The following GPHN variants were observed in gnomAD, a reference collection of about 807,000 sequenced individuals.
GPHN encodes gephyrin.
In GPHN, 17 loss-of-function variants were observed where a neutral mutation model predicts 95.5. The observed-to-expected ratio is 0.18, with a 90% CI of 0.12 to 0.27. The LOEUF is 0.27. Among genes scored for constraint, GPHN ranks in the 10% least tolerant of loss-of-function variants. The pLI, the probability that GPHN is intolerant of heterozygous loss-of-function variation, is 1.00. For missense variants in GPHN, 660 were observed against 978.1 expected, an observed-to-expected ratio of 0.67 and a Z score of 4.34; for synonymous variants, 320 against 322.5, an observed-to-expected ratio of 0.99 and a Z score of 0.08.
intron 1 of GPHN, among the ~76,000 whole-genome samples, chr14:66,547,703 G>A (rs544297529): frequency 6.6e-6 from 1 of 152,124 alleles, no homozygotes; most frequent in Non-Finnish European, 1.5e-5. Context: ...GACAAATTTC[G>A]TGTTCATTCT....
chr14:67,653,671 A>C, the GPHN span, among the ~76,000 whole-genome samples: 2 of 152,234 alleles, frequency 1.3e-5, no homozygotes, highest in African/African-American at 4.8e-5. Context: ...AAAGGACAAG[A>C]TATTTTAGTA....
At chr14:66,611,441 A>T (rs1052963998) in intron 1 of GPHN, among the ~76,000 whole-genome samples, 2 of 152,130 alleles carry the variant, frequency 1.3e-5, no homozygotes, top group Non-Finnish European at 2.9e-5. Context: ...AAATATACTC[A>T]TTGCTATTTG....
chr14:67,116,359 C>G (rs1415145404), intron 16 of GPHN, among the ~76,000 whole-genome samples: 1 of 150,462 alleles, frequency 6.6e-6, no homozygotes, highest in African/African-American at 2.4e-5. Flanking sequence ...GAAGGGGAAG[C>G]AAAAAGAAAA....
At chr14:67,574,848 C>A in the GPHN span, among the ~76,000 whole-genome samples, 1 of 152,056 alleles carries the variant, frequency 6.6e-6, no homozygotes, top group African/African-American at 2.4e-5. The surrounding 1 kb of genome is among the most constrained non-coding windows in gnomAD (Gnocchi z 4.2). Context: ...TTGTTAAACC[C>A]AAGAAAATGG....
rs2140195870 is a variant in GPHN at position 67,179,652 on chromosome 14, A to G, written c.2154A>G (p.Pro718=). The G allele has an allele frequency of 1.3e-6, 2 of 1,599,036 alleles. No individual in the cohort carries two copies. Among genetic ancestry groups the G allele is most frequent in the Non-Finnish European group, 1.7e-6 (2 of 1,166,236 alleles). Residue 718 remains proline (P), a synonymous_variant, in exon 22 of 23, where the codon CCA becomes CCG. Coordinates refer to ENST00000478722, the MANE Select transcript of GPHN (RefSeq NM_020806.5). ...RCILTWHHQE[P]LPWAQSTGNQ... ...TACTAACTTGGCATCACCAAGAACC[A>G]CTACCTTGGGCACAGAGTACAGGTT...
At chr14:67,683,814 C>T in the GPHN span, among the ~76,000 whole-genome samples, 2 of 152,204 alleles carry the variant, frequency 1.3e-5, no homozygotes, top group Admixed American at 1.3e-4. Flanking sequence ...CCTCCTCTCC[C>T]TACTAATATT....
intron 11 of GPHN, among the ~76,000 whole-genome samples, chr14:67,072,686 A>G (rs1361114841): frequency 6.6e-6 from 1 of 152,068 alleles, no homozygotes; most frequent in Non-Finnish European, 1.5e-5. Context: ...TAATACTTTA[A>G]CTCAATTTTC....
chr14:67,078,280 T>C (rs538753089), intron 11 of GPHN, among the ~76,000 whole-genome samples: 11 of 152,252 alleles, frequency 7.2e-5, no homozygotes, highest in Non-Finnish European at 1.5e-4. Flanking sequence ...ATGGGGCTCT[T>C]CCTGGAATGG....
At chr14:67,564,296 C>T in the GPHN span, among the ~76,000 whole-genome samples, 1 of 152,156 alleles carries the variant, frequency 6.6e-6, no homozygotes, top group Admixed American at 6.6e-5. Context: ...TGCGCCAGGC[C>T]AGCTTCCTTA....
the GPHN span, chr14:67,321,045 TTGTTTGCCTAG>T: frequency 6.2e-7 from 1 of 1,613,220 alleles, no homozygotes; most frequent in Non-Finnish European, 8.5e-7. Flanking sequence ...CTATCTGATT[TTGTTTGCCTAG>T]ATACAACCCG....
At chr14:67,683,901 C>T in the GPHN span, among the ~76,000 whole-genome samples, 2 of 152,236 alleles carry the variant, frequency 1.3e-5, no homozygotes, top group African/African-American at 4.8e-5. Context: ...CTAAGTTCCA[C>T]ACATTACTTT....
intron 3 of GPHN, among the ~76,000 whole-genome samples, chr14:66,781,209 A>G (rs1444438403): frequency 1.3e-5 from 2 of 150,200 alleles, no homozygotes; most frequent in African/African-American, 4.9e-5. Context: ...TGTAACCACT[A>G]TTCTGACTTC....
rs112908121 is a variant in GPHN at position 66,609,970 on chromosome 14, GCTT to G, written c.65-71134_65-71132del. Among the ~76,000 whole-genome samples, 12 of 152,214 alleles carry G rather than the reference GCTT, an allele frequency of 7.9e-5. 2 individuals are homozygous for G. The highest frequency in any genetic ancestry group is 2.9e-4 in the African/African-American group (12 of 41,554). On this transcript the variant is annotated intron_variant, in intron 1 of 22. Transcript: ENST00000478722. ...TCTGGTTAAGATCTATTGCTGGGGA[GCTT>G]CTGCACTCTTTTGGAAAGAAGAGGA...
chr14:67,404,527 G>A, the GPHN span, among the ~76,000 whole-genome samples: 3 of 151,982 alleles, frequency 2.0e-5, no homozygotes, highest in African/African-American at 7.3e-5. Flanking sequence ...TTAAAATTTC[G>A]AGTTGGGTGT....
At chr14:66,863,158 T>C (rs1489560397) in intron 4 of GPHN, among the ~76,000 whole-genome samples, 1 of 147,788 alleles carries the variant, frequency 6.8e-6, no homozygotes, top group Admixed American at 6.7e-5. Flanking sequence ...CATACAAAAA[T>C]CAGTAGCATT....
At chr14:66,823,824 A>G (rs1003842791) in intron 3 of GPHN, among the ~76,000 whole-genome samples, 3 of 152,178 alleles carry the variant, frequency 2.0e-5, no homozygotes, top group African/African-American at 7.2e-5. Context: ...TTCTATTTTT[A>G]AATTTTGACT....
At chr14:67,010,445 G>A (rs1226633404) in intron 9 of GPHN, among the ~76,000 whole-genome samples, 24 of 151,356 alleles carry the variant, frequency 1.6e-4, no homozygotes, top group East Asian at 2.0e-4. Flanking sequence ...CCAGTTACTC[G>A]GGAGGTTGAG....
chr14:66,605,103 G>T (rs539972913), intron 1 of GPHN, among the ~76,000 whole-genome samples: 6 of 152,026 alleles, frequency 3.9e-5, no homozygotes, highest in South Asian at 2.1e-4. Context: ...CTCTACCATC[G>T]ATGGGCACCT....
At chr14:67,127,141 A>G (rs2079374984) in intron 17 of GPHN, among the ~76,000 whole-genome samples, 1 of 151,318 alleles carries the variant, frequency 6.6e-6, no homozygotes, top group Admixed American at 6.6e-5. Context: ...ATCGGGAGAT[A>G]TACCTAATGC....
Sources: allele counts gnomAD v4.1 joint callset (sites outside exome capture counted in the v4.1 genomes callset), GRCh38; gene constraint gnomAD v4.1.1; non-coding constraint Gnocchi (gnomAD v3.1); transcripts MANE v1.5; gene names NCBI Gene and HGNC (gene_info 2026-07-23, HGNC 2026-07-21).